LEPR: variants seen among roughly 807,000 people sequenced by gnomAD.
LEPR encodes the protein OB receptor.
In LEPR, 56 loss-of-function variants were observed where a neutral mutation model predicts 114.7. The ratio of observed to expected loss-of-function variants is 0.49; its 90% confidence interval spans 0.39 to 0.61. LEPR has a LOEUF of 0.61. Among genes scored for constraint, LEPR ranks in the 20% least tolerant of loss-of-function variants. LEPR has a pLI of 0.00. For missense variants in LEPR, 1,202 were observed against 1,352.9 expected, an observed-to-expected ratio of 0.89 and a Z score of 1.75; for synonymous variants, 443 against 461.4, an observed-to-expected ratio of 0.96 and a Z score of 0.51.
At chr1:65,515,155 C>T (rs1171274) in intron 2 of LEPR, among the ~76,000 whole-genome samples, 107,803 of 152,062 alleles carry the variant, frequency 0.71, 39,310 homozygotes, top group Middle Eastern at 0.87. Context: ...GAATAACATT[C>T]AGGATGGCAT....
At chr1:65,496,013 C>A (rs1377709355) in intron 2 of LEPR, among the ~76,000 whole-genome samples, 1 of 152,028 alleles carries the variant, frequency 6.6e-6, no homozygotes, top group Non-Finnish European at 1.5e-5. Flanking sequence ...TAGTTAACAA[C>A]AATTTATTGT....
intron 2 of LEPR, among the ~76,000 whole-genome samples, chr1:65,554,405 C>G (rs971060162): frequency 6.6e-6 from 1 of 152,170 alleles, no homozygotes; most frequent in African/African-American, 2.4e-5. Context: ...TTCAGAGATG[C>G]CCTGCCCAGA....
At chr1:65,467,984 C>G (rs560152721) in intron 2 of LEPR, among the ~76,000 whole-genome samples, 1,573 of 152,340 alleles carry the variant, frequency 0.01, 17 homozygotes, top group South Asian at 0.031. Flanking sequence ...CCCCTGACCC[C>G]TTGCGCTTCC....
Position 65,619,494 on chromosome 1 carries a change from C to T in LEPR, c.2396-434C>T, listed in dbSNP as rs112845928. On this transcript the variant is annotated intron_variant, in intron 16 of 19. Transcript: ENST00000349533. ...TAGGATTTCACAAGACTTTAGTCTC[C>T]CAGCTACCTTGAATGGAATGGGGAA... Among the ~76,000 whole-genome samples, 231 of 152,064 alleles carry T rather than the reference C, an allele frequency of 1.5e-3. 4 individuals carry two copies. The highest frequency in any genetic ancestry group is 5.1e-3 in the African/African-American group (210 of 41,462).
At chr1:65,438,425 G>A (rs1444271537) in intron 2 of LEPR, among the ~76,000 whole-genome samples, 1 of 151,788 alleles carries the variant, frequency 6.6e-6, no homozygotes, top group East Asian at 2.0e-4. Flanking sequence ...TGGCTCACGC[G>A]TGTAGTCCCA....
chr1:65,580,278 A>G (rs1489124811), intron 5 of LEPR, among the ~76,000 whole-genome samples: 2 of 152,228 alleles, frequency 1.3e-5, no homozygotes, highest in Non-Finnish European at 2.9e-5. Flanking sequence ...GAGCTGGTCA[A>G]TATAACCAAT....
intron 2 of LEPR, among the ~76,000 whole-genome samples, chr1:65,546,078 T>G (rs1348631001): frequency 6.6e-6 from 1 of 152,038 alleles, no homozygotes; most frequent in Admixed American, 6.6e-5. Flanking sequence ...CTTTCCCCAT[T>G]GCTTGTTTTT....
At chr1:65,534,092 TTG>T (rs1650590806) in intron 2 of LEPR, among the ~76,000 whole-genome samples, 2 of 152,174 alleles carry the variant, frequency 1.3e-5, no homozygotes, top group African/African-American at 2.4e-5. Flanking sequence ...CTGGAGAATT[TTG>T]TCAGTTTACA....
In LEPR at chr1:65,541,121, T is replaced by C. The variant is rs147657756; in HGVS notation, c.-20-24425T>C. Among the ~76,000 whole-genome samples the C allele has an allele frequency of 2.8e-4, 43 of 152,262 alleles. No individual in the cohort carries two copies. In the East Asian group the frequency reaches 8.1e-3, roughly 29 times the overall value. On this transcript the variant is annotated intron_variant, in intron 2 of 19. Coordinates refer to ENST00000349533, the MANE Select transcript of LEPR (RefSeq NM_002303.6). ...TACAAGCATGAGCCACCGTGCCTAG[T>C]CCCAGTTTACCATCTTGAACCTGAA... is the stretch of plus-strand genomic sequence containing the variant.
At chr1:65,481,360 A>G (rs980096783) in intron 2 of LEPR, among the ~76,000 whole-genome samples, 4 of 152,144 alleles carry the variant, frequency 2.6e-5, no homozygotes, top group Admixed American at 6.5e-5. Context: ...GGGGAAAAAA[A>G]ACCCACAACT....
intron 2 of LEPR, among the ~76,000 whole-genome samples, chr1:65,552,653 T>A (rs1157570338): frequency 6.6e-6 from 1 of 152,160 alleles, no homozygotes; most frequent in Non-Finnish European, 1.5e-5. Context: ...CACTGATGGG[T>A]CGTGACTGTT....
Position 65,601,518 on chromosome 1 carries a change from A to G in LEPR, c.1121A>G (p.Glu374Gly). 1 of 1,613,820 alleles carries G rather than the reference A, an allele frequency of 6.2e-7. No homozygotes were observed. Among genetic ancestry groups the G allele is most frequent in the Non-Finnish European group, 8.5e-7 (1 of 1,179,752 alleles). ...KEIVWWMNLA[E>G]KIPQSQYDVV... ...ATTGTTTGGTGGATGAATTTAGCTG[A>G]GAAAATTCCTCAAAGCCAGTATGAT... The change falls in exon 9 of 20, where the codon GAG becomes GGG. Residue 374 changes from glutamate (E) to glycine (G), a missense_variant. Physicochemically the swap from Glu to Gly is moderately conservative, Grantham distance 98 (BLOSUM62 -2). Transcript: ENST00000349533.
At chr1:65,567,427 T>A (rs1288741354) in intron 3 of LEPR, among the ~76,000 whole-genome samples, 1 of 152,204 alleles carries the variant, frequency 6.6e-6, no homozygotes, top group Admixed American at 6.5e-5. Flanking sequence ...TTCTTTGAGG[T>A]GTTCTGATTT....
intron 17 of LEPR, among the ~76,000 whole-genome samples, chr1:65,620,277 A>C (rs915609731): frequency 1.3e-5 from 2 of 152,152 alleles, no homozygotes; most frequent in Non-Finnish European, 1.5e-5. Flanking sequence ...CAACATTTTG[A>C]TTTTGTTATT....
intron 1 of LEPR, among the ~76,000 whole-genome samples, chr1:65,423,437 G>C (rs1314275388): frequency 6.6e-6 from 1 of 152,172 alleles, no homozygotes; most frequent in Non-Finnish European, 1.5e-5. Context: ...ACTGGTATCA[G>C]AACAGAAGGA....
intron 2 of LEPR, chr1:65,433,363 GT>G: frequency 1.1e-5 from 11 of 985,378 alleles, no homozygotes; most frequent in Non-Finnish European, 1.3e-5. Flanking sequence ...GAATCATTGG[GT>G]ATACCTGTCA....
intron 2 of LEPR, among the ~76,000 whole-genome samples, chr1:65,478,308 G>A (rs572887381): frequency 1.3e-5 from 2 of 152,208 alleles, no homozygotes; most frequent in South Asian, 2.1e-4. Flanking sequence ...ACTCTATTAT[G>A]TGGAATATAA....
intron 2 of LEPR, chr1:65,525,927 C>A: frequency 1.1e-6 from 1 of 883,688 alleles, no homozygotes; most frequent in Non-Finnish European, 1.4e-6. Context: ...GCCCCGCGGG[C>A]CGCTTAGGGA....
chr1:65,626,598 C>CT (rs11381520), intron 19 of LEPR, among the ~76,000 whole-genome samples: 33,984 of 152,016 alleles, frequency 0.22, 4,153 homozygotes, highest in South Asian at 0.33. Context: ...AATTCATTAA[C>CT]TTTTTTCTCT....
Sources: allele counts gnomAD v4.1 joint callset (sites outside exome capture counted in the v4.1 genomes callset), GRCh38; gene constraint gnomAD v4.1.1; transcripts MANE v1.5; gene names NCBI Gene and HGNC (gene_info 2026-07-23, HGNC 2026-07-21).